Variants in GRB2 observed in about 807,000 individuals in gnomAD.
GRB2 encodes growth factor receptor-bound protein 2.
In GRB2, 2 loss-of-function variants were observed where a neutral mutation model predicts 27.4. The ratio of observed to expected loss-of-function variants is 0.07; its 90% CI spans 0.03 to 0.23. The LOEUF is 0.23. Among genes scored for constraint, GRB2 ranks in the 10% least tolerant of loss-of-function variants. The pLI is 1.00. For missense variants in GRB2, 102 were observed against 282.4 expected (o/e 0.36, Z 4.58); for synonymous variants, 94 against 99.6 (o/e 0.94, Z 0.33).
chr17:75,336,138 A>G (rs1246822859), intron 2 of GRB2, among the ~76,000 whole-genome samples: 1 of 152,232 alleles, frequency 6.6e-6, no homozygotes, highest in Non-Finnish European at 1.5e-5. Context: ...TAGAAGGAAA[A>G]TGTGGTCTAA....
intron 1 of GRB2, among the ~76,000 whole-genome samples, chr17:75,398,516 C>T (rs889736084): frequency 3.3e-5 from 5 of 152,100 alleles, no homozygotes; most frequent in African/African-American, 9.7e-5. Context: ...CTGCCTTGGC[C>T]TCCCAAAGTG....
At chr17:75,354,437 A>G (rs929299555) in intron 2 of GRB2, among the ~76,000 whole-genome samples, 2 of 151,984 alleles carry the variant, frequency 1.3e-5, no homozygotes, top group African/African-American at 4.8e-5. Context: ...TAATTTTTCT[A>G]TTTTTAGTAG....
chr17:75,394,047 G>A, intron 1 of GRB2: 1 of 197,174 alleles, frequency 5.1e-6, no homozygotes, highest in South Asian at 8.8e-5. Context: ...TGCAGGAACC[G>A]GCTGGAGTCC....
intron 2 of GRB2, among the ~76,000 whole-genome samples, chr17:75,350,676 T>C (rs957422103): frequency 6.6e-6 from 1 of 152,032 alleles, no homozygotes; most frequent in African/African-American, 2.4e-5. Flanking sequence ...GTATTTTCAG[T>C]AGAGACAGGG....
At chr17:75,365,785 G>A (rs2078815397) in intron 2 of GRB2, among the ~76,000 whole-genome samples, 1 of 152,084 alleles carries the variant, frequency 6.6e-6, no homozygotes, top group South Asian at 2.1e-4. Flanking sequence ...GGGTGCCCAG[G>A]GGTTGCTCAG....
chr17:75,361,503 G>A lies in GRB2; in HGVS notation c.79-28706C>T, dbSNP rs146395300. On this transcript the variant is annotated intron_variant, in intron 2 of 5. Coordinates refer to ENST00000316804, the MANE Select transcript of GRB2 (RefSeq NM_002086.5). ...CCTATCGTCTCCTTACCAACTAACT[G>A]CGTAATTTATCAGGAAACACTACTT... 3.3e-3 allele frequency among the ~76,000 whole-genome samples: 509 copies of A among 152,206 alleles called. 7 individuals carry two copies. The highest frequency in any genetic ancestry group is 0.012 in the African/African-American group (496 of 41,530).
chr17:75,321,538 C>A (rs760601559), intron 5 of GRB2, 121 bp downstream of exon 5: 2 of 842,418 alleles, frequency 2.4e-6, no homozygotes, highest in South Asian at 1.6e-5. Context: ...CACAGAAGCC[C>A]CAGCGGCAAT....
chr17:75,382,037 AC>A (rs1460611138), intron 2 of GRB2, among the ~76,000 whole-genome samples: 1 of 152,098 alleles, frequency 6.6e-6, no homozygotes, highest in African/African-American at 2.4e-5. Flanking sequence ...ACCCTGGCCA[AC>A]ATGGTGAAAC....
intron 2 of GRB2, chr17:75,371,282 A>C (rs1049486059): frequency 3.3e-5 from 5 of 150,800 alleles, no homozygotes; most frequent in African/African-American, 1.2e-4. Flanking sequence ...CTGGCAAGGA[A>C]AATAAAGGAA....
chr17:75,398,794 C>T (rs150876424), intron 1 of GRB2, among the ~76,000 whole-genome samples: 1 of 152,194 alleles, frequency 6.6e-6, no homozygotes, highest in Non-Finnish European at 1.5e-5. Context: ...ATCCCTCAGG[C>T]TGGAGTGCAG....
At chr17:75,337,374 G>A (rs1298723951) in intron 2 of GRB2, among the ~76,000 whole-genome samples, 1 of 150,860 alleles carries the variant, frequency 6.6e-6, no homozygotes, top group Non-Finnish European at 1.5e-5. Context: ...AGCTACTGAA[G>A]TGTCGGGTTA....
intron 2 of GRB2, among the ~76,000 whole-genome samples, chr17:75,366,463 T>C (rs2078819981): frequency 6.7e-6 from 1 of 149,388 alleles, no homozygotes; most frequent in African/African-American, 2.5e-5. Context: ...CAGGCAATCA[T>C]TTGAACCCTT....
At chr17:75,340,864 T>G (rs55681135) in intron 2 of GRB2, among the ~76,000 whole-genome samples, 3,128 of 151,978 alleles carry the variant, frequency 0.021, 44 homozygotes, top group Middle Eastern at 0.054. Context: ...GATAAACGAT[T>G]AACAATTTTA....
intron 2 of GRB2, among the ~76,000 whole-genome samples, chr17:75,352,306 C>T (rs1013625985): frequency 3.9e-5 from 6 of 152,182 alleles, no homozygotes; most frequent in Admixed American, 6.6e-5. Context: ...AGCACCTACA[C>T]GCTGCTCCAT....
chr17:75,330,711 A>C (rs867432702), intron 3 of GRB2, among the ~76,000 whole-genome samples: 5 of 151,850 alleles, frequency 3.3e-5, no homozygotes, highest in South Asian at 2.1e-4. Context: ...AAAAAACAAA[A>C]AAAAAAAAGG....
At chr17:75,380,047 G>C (rs1377297981) in intron 2 of GRB2, among the ~76,000 whole-genome samples, 1 of 152,174 alleles carries the variant, frequency 6.6e-6, no homozygotes, top group South Asian at 2.1e-4. Flanking sequence ...GCGCCAATTT[G>C]TTTATTCGTA....
intron 2 of GRB2, among the ~76,000 whole-genome samples, chr17:75,342,464 C>T (rs1233064495): frequency 1.3e-5 from 2 of 152,018 alleles, no homozygotes; most frequent in Non-Finnish European, 2.9e-5. Flanking sequence ...AGACGAGGGT[C>T]TTCATATGAT....
At chr17:75,401,331 G>C (rs920152252) in intron 1 of GRB2, among the ~76,000 whole-genome samples, 1 of 151,132 alleles carries the variant, frequency 6.6e-6, no homozygotes, top group African/African-American at 2.4e-5. Context: ...TGTAGTCCCA[G>C]CTACTCGGGA....
intron 2 of GRB2, among the ~76,000 whole-genome samples, chr17:75,352,897 C>T (rs1477435413): frequency 1.4e-5 from 2 of 140,934 alleles, no homozygotes; most frequent in African/African-American, 5.3e-5. Flanking sequence ...TTTTAAAAGA[C>T]ATAGTTGGCC....
Sources: allele counts gnomAD v4.1 joint callset (sites outside exome capture counted in the v4.1 genomes callset), GRCh38; gene constraint gnomAD v4.1.1; transcripts MANE v1.5; gene names NCBI Gene and HGNC (gene_info 2026-07-23, HGNC 2026-07-21).